The following CLASP1 variants were observed in gnomAD, a reference collection of about 807,000 sequenced individuals.
The protein encoded by CLASP1 is CLIP-associating protein 1.
Under a neutral mutation model 192.3 loss-of-function variants are expected in CLASP1, and 38 were observed. That is an observed-to-expected ratio of 0.20 (90% CI 0.15 to 0.26). The LOEUF (loss-of-function observed/expected upper bound fraction) is 0.26. Ranked by LOEUF, CLASP1 falls within the 10% of genes least tolerant of loss-of-function variation. CLASP1 has a pLI of 1.00. For synonymous variants in CLASP1, 691 were observed against 712.8 expected (o/e 0.97, Z 0.49); for missense variants, 1,433 against 1,932.5 (o/e 0.74, Z 4.85).
At chr2:121,623,982 T>G (rs1419941787) in intron 1 of CLASP1, among the ~76,000 whole-genome samples, 1 of 152,346 alleles carries the variant, frequency 6.6e-6, no homozygotes, top group African/African-American at 2.4e-5. Flanking sequence ...TAATCTTTTT[T>G]AATTTCCATG....
intron 39 of CLASP1, among the ~76,000 whole-genome samples, chr2:121,344,742 C>T (rs1213600837): frequency 2.0e-5 from 3 of 152,154 alleles, no homozygotes; most frequent in Admixed American, 1.3e-4. Flanking sequence ...GAAATTGAGA[C>T]AGACTTAGCA....
At chr2:121,488,805 G>GA (rs1257843711) in intron 8 of CLASP1, among the ~76,000 whole-genome samples, 1 of 152,150 alleles carries the variant, frequency 6.6e-6, no homozygotes, top group African/African-American at 2.4e-5. Context: ...ACTTCCATAA[G>GA]AAACAGTATT....
chr2:121,473,861 A>G (rs569680407), intron 8 of CLASP1, among the ~76,000 whole-genome samples: 1 of 152,314 alleles, frequency 6.6e-6, no homozygotes, highest in Admixed American at 6.5e-5. Flanking sequence ...CAGTGAAAAC[A>G]TGTTAAGAAT....
intron 2 of CLASP1, among the ~76,000 whole-genome samples, chr2:121,582,128 A>C (rs1238337909): frequency 6.6e-6 from 1 of 151,882 alleles, no homozygotes; most frequent in Non-Finnish European, 1.5e-5. Flanking sequence ...GTGCCACTCT[A>C]CTCCAGCCTG....
intron 8 of CLASP1, among the ~76,000 whole-genome samples, chr2:121,493,673 A>C (rs1383136784): frequency 6.6e-6 from 1 of 152,204 alleles, no homozygotes; most frequent in Non-Finnish European, 1.5e-5. Context: ...AAATGCAAGA[A>C]AATATTTGCA....
intron 1 of CLASP1, among the ~76,000 whole-genome samples, chr2:121,636,109 C>A (rs1468878081): frequency 1.3e-5 from 2 of 151,780 alleles, no homozygotes; most frequent in Non-Finnish European, 2.9e-5. Context: ...GAGGCTAAGG[C>A]AGGTGGATCA....
At chr2:121,526,805 G>T (rs1226687931) in intron 5 of CLASP1, among the ~76,000 whole-genome samples, 1 of 151,796 alleles carries the variant, frequency 6.6e-6, no homozygotes, top group Non-Finnish European at 1.5e-5. Context: ...GATATATACA[G>T]TATTTTTTCA....
intron 12 of CLASP1, 123 bp downstream of exon 12, chr2:121,459,857 G>T: frequency 2.6e-6 from 2 of 772,156 alleles, no homozygotes; most frequent in Non-Finnish European, 1.9e-6. Context: ...TAACTGGAAT[G>T]GGTCTTGGAG....
chr2:121,647,039 CAAAAA>C (rs36066876), intron 1 of CLASP1, among the ~76,000 whole-genome samples: 2 of 71,758 alleles, frequency 2.8e-5, no homozygotes, highest in Admixed American at 1.6e-4. Context: ...GACTCCATCT[CAAAAA>C]AAAAAAAAAA....
intron 5 of CLASP1, among the ~76,000 whole-genome samples, chr2:121,527,419 A>G (rs1455534845): frequency 1.3e-5 from 2 of 152,234 alleles, no homozygotes; most frequent in Non-Finnish European, 2.9e-5. Context: ...ACATTCTTGA[A>G]ATGACAAAAT....
intron 8 of CLASP1, among the ~76,000 whole-genome samples, chr2:121,478,027 T>A (rs1187621106): frequency 6.6e-6 from 1 of 152,170 alleles, no homozygotes; most frequent in East Asian, 1.9e-4. Context: ...TAAAATTATT[T>A]AAGATAATTT....
At chr2:121,388,043 T>A in intron 30 of CLASP1, 137 bp from the exon 32 acceptor site, 1 of 626,554 alleles carries the variant, frequency 1.6e-6, no homozygotes, top group Non-Finnish European at 2.7e-6. Context: ...CAAAAAAGCA[T>A]CTGAAGAAAA....
chr2:121,424,657 C>CTT (rs2080083595), intron 22 of CLASP1, among the ~76,000 whole-genome samples: 1 of 152,138 alleles, frequency 6.6e-6, no homozygotes, highest in Non-Finnish European at 1.5e-5. Flanking sequence ...AGCTTTCATG[C>CTT]TTAAACAAAT....
chr2:121,498,351 G>C (rs1185304317), intron 8 of CLASP1, among the ~76,000 whole-genome samples: 2 of 151,786 alleles, frequency 1.3e-5, no homozygotes, highest in African/African-American at 4.8e-5. Flanking sequence ...GGGACTACAG[G>C]GGTGCCCCAC....
intron 25 of CLASP1, among the ~76,000 whole-genome samples, chr2:121,407,047 C>T (rs903398089): frequency 6.6e-6 from 1 of 152,068 alleles, no homozygotes; most frequent in African/African-American, 2.4e-5. Context: ...GAAACCCTGT[C>T]TCTACTACAA....
rs188936701 is a variant in CLASP1 at position 121,460,778 on chromosome 2, A to T, written c.1032+323T>A. Among the ~76,000 whole-genome samples, 324 of 152,316 alleles carry T rather than the reference A, an allele frequency of 2.1e-3. 2 individuals carry two copies. Among genetic ancestry groups the T allele is most frequent in the Middle Eastern group, 0.02 (6 of 294 alleles). On this transcript the variant is annotated intron_variant, in intron 11 of 39. Transcript: ENST00000263710. ...AAGAATATTGGAGACATACACTAAAAATGCCACAAAAAAGCCACCTTAAAG... is the reference window on the plus strand; with the variant it reads ...AAGAATATTGGAGACATACACTAAATATGCCACAAAAAAGCCACCTTAAAG...
At chr2:121,405,026 G>A (rs185791321) in intron 25 of CLASP1, among the ~76,000 whole-genome samples, 1 of 152,250 alleles carries the variant, frequency 6.6e-6, no homozygotes, top group East Asian at 1.9e-4. Flanking sequence ...AAGGTACTCT[G>A]GGCCAGGGGC....
At chr2:121,609,986 T>C (rs2065000175) in intron 1 of CLASP1, among the ~76,000 whole-genome samples, 1 of 151,382 alleles carries the variant, frequency 6.6e-6, no homozygotes. Flanking sequence ...CAGTTTCCCA[T>C]GTATCTTTTC....
At chr2:121,339,131 CCACACACACACACACACACACACACACA>C (rs3839033) in exon 40 of CLASP1, 5 of 143,572 alleles carry the variant, frequency 3.5e-5, no homozygotes, top group Non-Finnish European at 7.6e-5. Flanking sequence ...ACACACAACA[CCACACACACACACACACACACACACACA>C]CACACACACA....
Sources: gnomAD v4.1 joint callset for allele counts (sites outside exome capture counted in the v4.1 genomes callset) on GRCh38, gnomAD v4.1.1 for gene constraint, MANE v1.5 for transcripts, NCBI Gene and HGNC (gene_info 2026-07-23, HGNC 2026-07-21) for gene names.